NUTM2B: variants seen among roughly 807,000 people sequenced by gnomAD.
NUTM2B encodes the protein NUT family member 2B, also known as family with sequence similarity 22, member B.
A neutral mutation model predicts 42.4 loss-of-function variants in NUTM2B; 2 were observed. That is an observed-to-expected ratio of 0.05 (90% CI 0.02 to 0.15). The LOEUF (loss-of-function observed/expected upper bound fraction) is 0.15, where lower values mean the gene tolerates loss of function less well. Among genes scored for constraint, NUTM2B ranks in the 10% least tolerant of loss-of-function variants. The pLI, the probability that NUTM2B is intolerant of heterozygous loss-of-function variation, is 1.00. For synonymous variants in NUTM2B, 18 were observed against 402.4 expected (o/e 0.04, Z 11.43); for missense variants, 58 against 952.6 (o/e 0.06, Z 12.36).
chr10:79,709,411 G>A (rs796863667), intron 3 of NUTM2B, among the ~76,000 whole-genome samples: 33 of 134,090 alleles, frequency 2.5e-4, no homozygotes, highest in African/African-American at 1.4e-4. Context: ...CCCAGGCCTC[G>A]TGCCCCTGGG....
the NUTM2B span, among the ~76,000 whole-genome samples, chr10:79,693,343 G>A: frequency 6.6e-6 from 1 of 152,236 alleles, no homozygotes; most frequent in East Asian, 1.9e-4. Context: ...TGAGGACTGA[G>A]ATGGGGACAT....
At chr10:79,700,948 G>A (rs893772060), upstream of NUTM2B, among the ~76,000 whole-genome samples, 6 of 152,210 alleles carry the variant, frequency 3.9e-5, no homozygotes, top group African/African-American at 1.4e-4. Flanking sequence ...CCGTGCCTCT[G>A]AGAAACCAGC....
the NUTM2B span, among the ~76,000 whole-genome samples, chr10:79,696,718 C>T: frequency 6.6e-6 from 1 of 152,264 alleles, no homozygotes; most frequent in East Asian, 1.9e-4. Context: ...GTGAAAAACA[C>T]ACCCTTGGGT....
upstream of NUTM2B, among the ~76,000 whole-genome samples, chr10:79,698,653 C>CT: frequency 8.1e-6 from 1 of 124,056 alleles, no homozygotes; most frequent in Middle Eastern, 3.6e-3. Context: ...AACTCTCCCA[C>CT]TCTCCTGTAT....
chr10:79,694,166 G>A, the NUTM2B span, among the ~76,000 whole-genome samples: 2 of 152,170 alleles, frequency 1.3e-5, no homozygotes, highest in African/African-American at 4.8e-5. Context: ...GGGAGGCCGA[G>A]GCAGGTGGAT....
the NUTM2B span, among the ~76,000 whole-genome samples, chr10:79,694,782 C>G: frequency 5.0e-4 from 76 of 152,280 alleles, 1 homozygote; most frequent in Admixed American, 4.1e-3. Flanking sequence ...CCAGGAGATG[C>G]GAGTGGGAGG....
intron 2 of NUTM2B, among the ~76,000 whole-genome samples, chr10:79,708,094 CT>C (rs1319495139): frequency 8.2e-5 from 2 of 24,516 alleles, no homozygotes; most frequent in Non-Finnish European, 1.3e-4. Context: ...CCAGGTCATT[CT>C]GTGTGCACGC....
Position 79,710,866 on chromosome 10 carries a change from A to T in NUTM2B, c.1734+102A>T, listed in dbSNP as rs532647859. The T allele has an allele frequency of 1.2e-5, 14 of 1,169,944 alleles. No homozygotes were observed. The East Asian group carries it at 4.0e-4, about 33-fold the overall frequency. 72.5% of individuals were successfully genotyped at this position (1,169,944 alleles called of 1,614,324 possible). On this transcript the variant is annotated intron_variant, in intron 5 of 6. Coordinates refer to ENST00000429828, the Ensembl canonical transcript of NUTM2B. ...TCCTTAGCTACTCAGCAGTGTGTGT[A>T]TTTCCATGGATTTGAGTGTCTGTGT...
At chr10:79,699,852 G>A (rs1276047053), upstream of NUTM2B, among the ~76,000 whole-genome samples, 3 of 151,964 alleles carry the variant, frequency 2.0e-5, no homozygotes, top group Non-Finnish European at 2.9e-5. Context: ...TCCAAACTAA[G>A]AATTCATATA....
Position 79,706,118 on chromosome 10 carries a change from C to CA in NUTM2B, c.460dup (p.Thr154AsnfsTer117), listed in dbSNP as rs1191885096. The CA allele has an allele frequency of 6.3e-7, 1 of 1,593,942 alleles. No individual in the cohort carries two copies. The highest frequency in any genetic ancestry group is 8.5e-7 in the Non-Finnish European group (1 of 1,170,650). ...CTGTGTTCACGGCTCTGCCCTTCACCACACCCGCTCCCGGCCCAGCACACG... is the reference window on the plus strand; with the variant it reads ...CTGTGTTCACGGCTCTGCCCTTCACCAACACCCGCTCCCGGCCCAGCACACG... On this transcript the variant is annotated frameshift_variant, in exon 2 of 7. Transcript: ENST00000429828. LOFTEE classifies it high-confidence loss of function.
chr10:79,700,815 G>A (rs545807433), upstream of NUTM2B, among the ~76,000 whole-genome samples: 309 of 152,346 alleles, frequency 2.0e-3, 1 homozygote, highest in African/African-American at 7.0e-3. Flanking sequence ...CTCCTGCGGC[G>A]GCACACGGGG....
upstream of NUTM2B, among the ~76,000 whole-genome samples, chr10:79,698,941 C>T (rs919219614): frequency 1.3e-5 from 2 of 152,192 alleles, no homozygotes; most frequent in African/African-American, 4.8e-5. Context: ...CATATGTAAT[C>T]ACACTTCCAA....
the NUTM2B span, among the ~76,000 whole-genome samples, chr10:79,695,323 G>A: frequency 6.6e-6 from 1 of 152,156 alleles, no homozygotes; most frequent in African/African-American, 2.4e-5. Flanking sequence ...TACATTTTCT[G>A]TACGGAACTT....
upstream of NUTM2B, among the ~76,000 whole-genome samples, chr10:79,699,233 C>G (rs1429239106): frequency 2.0e-5 from 3 of 151,850 alleles, no homozygotes; most frequent in African/African-American, 7.3e-5. Context: ...TGTTATTGCC[C>G]ATGTGCACAA....
chr10:79,696,038 G>C, the NUTM2B span, among the ~76,000 whole-genome samples: 3 of 146,492 alleles, frequency 2.0e-5, no homozygotes, highest in African/African-American at 7.5e-5. Context: ...CATGCTCCCT[G>C]GTCATTCTGC....
chr10:79,693,778 C>A, the NUTM2B span, among the ~76,000 whole-genome samples: 39,704 of 152,122 alleles, frequency 0.26, 5,860 homozygotes, highest in East Asian at 0.69. Flanking sequence ...ACAACTAGTG[C>A]AACATACCCT....
chr10:79,705,101 G>C (rs1016116747), intron 1 of NUTM2B, among the ~76,000 whole-genome samples: 3 of 129,138 alleles, frequency 2.3e-5, no homozygotes, highest in Non-Finnish European at 3.3e-5. Context: ...GTTTTTGGTT[G>C]GTCACTATGT....
At chr10:79,695,566 C>A in the NUTM2B span, among the ~76,000 whole-genome samples, 3 of 152,186 alleles carry the variant, frequency 2.0e-5, no homozygotes, top group Admixed American at 2.0e-4. Context: ...CTCAGCCTGA[C>A]ACCCAACAGT....
At chr10:79,694,033 C>G in the NUTM2B span, among the ~76,000 whole-genome samples, 1 of 152,164 alleles carries the variant, frequency 6.6e-6, no homozygotes, top group Non-Finnish European at 1.5e-5. Flanking sequence ...ACCTCCATCA[C>G]GTGGCTCCCT....
Sources: allele counts gnomAD v4.1 joint callset (sites outside exome capture counted in the v4.1 genomes callset), GRCh38; gene constraint gnomAD v4.1.1; transcripts MANE v1.5; gene names NCBI Gene and HGNC (gene_info 2026-07-23, HGNC 2026-07-21).